TMEM150A: variants seen among roughly 807,000 people sequenced by gnomAD.
The protein encoded by TMEM150A is transmembrane protein 150A.
TMEM150A carries 18 observed loss-of-function variants against 29.8 expected under a neutral mutation model. The ratio of observed to expected loss-of-function variants is 0.60; its 90% CI spans 0.42 to 0.90. TMEM150A has a LOEUF of 0.90. Among genes scored for constraint, TMEM150A ranks in the 40% least tolerant of loss-of-function variants. The probability of loss-of-function intolerance (pLI) is 0.00; values close to 1 mark genes in which losing one functional copy is unlikely to be tolerated. For synonymous variants in TMEM150A, 127 were observed against 143.6 expected, an observed-to-expected ratio of 0.88 and a Z score of 0.83; for missense variants, 251 against 349.7, an observed-to-expected ratio of 0.72 and a Z score of 2.25.
rs1672958595 is a variant in TMEM150A at position 85,601,528 on chromosome 2, T to G, written c.66-46A>C. On this transcript the variant is annotated intron_variant, in intron 2 of 7. Transcript: ENST00000334462. This position sits in a 1 kb window ranked among gnomAD's most constrained non-coding sequence, Gnocchi z 4.0. ...CCCTGGCAGCCTTCCCGAGCCCCACTCAACCCACCCCATGACCCTTCTCTT... is the reference window on the plus strand; with the variant it reads ...CCCTGGCAGCCTTCCCGAGCCCCACGCAACCCACCCCATGACCCTTCTCTT... 3 of 1,597,678 alleles carry G rather than the reference T, an allele frequency of 1.9e-6. No homozygotes were observed.
At chr2:85,600,118 G>GA in intron 5 of TMEM150A, 100 bp from the exon 6 acceptor site, 1 of 1,490,854 alleles carries the variant, frequency 6.7e-7, no homozygotes. Flanking sequence ...TGCCCCTTCT[G>GA]AGGGGCAGAA....
chr2:85,599,061 CA>C lies in TMEM150A; in HGVS notation c.*14del, dbSNP rs974546543. ...GGGGTGCTGTGGAGGCCGGGCCAGCCACCCTCCCCAGACCTTAGATCATAGC... is the reference window on the plus strand; with the variant it reads ...GGGGTGCTGTGGAGGCCGGGCCAGCCCCCTCCCCAGACCTTAGATCATAGC... On this transcript the variant is annotated 3_prime_UTR_variant, in exon 8 of 8. Coordinates refer to ENST00000334462, the MANE Select transcript of TMEM150A (RefSeq NM_001031738.3). The surrounding 1 kb of genome is among the most constrained non-coding windows in gnomAD (Gnocchi z 6.0). The C allele has an allele frequency of 2.5e-6, 4 of 1,601,718 alleles. No homozygotes were observed. The highest frequency in any genetic ancestry group is 2.6e-6 in the Non-Finnish European group (3 of 1,170,896).
At position 85,602,692 on chromosome 2, in the gene TMEM150A, A is replaced by C. The variant is rs1369126905; in HGVS notation, c.-202T>G. The stretch of plus-strand genomic sequence containing the variant: ...GCTGCGGCCCTCGGAGCAGCCCTGA[A>C]AGGTTTAAAGGGCCGAGCGGCCCCG... On this transcript the variant is annotated 5_prime_UTR_variant, in exon 1 of 8. Coordinates refer to ENST00000334462, the MANE Select transcript of TMEM150A (RefSeq NM_001031738.3). The surrounding 1 kb of genome is among the most constrained non-coding windows in gnomAD (Gnocchi z 5.6). 1.3e-5 allele frequency: 2 copies of C among 152,130 alleles called. No individual in the cohort carries two copies. Among genetic ancestry groups the C allele is most frequent in the African/African-American group, 4.8e-5 (2 of 41,364 alleles). 9.4% of individuals were successfully genotyped at this position (152,130 alleles called of 1,614,324 possible). A position where few individuals can be genotyped will look rare whatever the true frequency, so the allele number is the denominator to read the frequency against.
Position 85,599,442 on chromosome 2 carries a change from A to T in TMEM150A, c.574+83T>A. ...GTCCTCTCCCCCACATGGCAGTGTT[A>T]GGCCTCCACCCCCCATCCTCTTGGG... On this transcript the variant is annotated intron_variant, in intron 7 of 7. Coordinates refer to ENST00000334462, the MANE Select transcript of TMEM150A (RefSeq NM_001031738.3). The surrounding 1 kb of genome is among the most constrained non-coding windows in gnomAD (Gnocchi z 6.0). 6.4e-7 allele frequency: 1 copy of T among 1,566,656 alleles called. No homozygotes were observed. The highest frequency in any genetic ancestry group is 1.4e-5 in the African/African-American group (1 of 73,576).
At chr2:85,600,525 CCA>C (rs1425483651) in intron 4 of TMEM150A, 113 bp from the exon 5 acceptor site, 1 of 750,648 alleles carries the variant, frequency 1.3e-6, no homozygotes, top group African/African-American at 1.7e-5. Flanking sequence ...AGCAGGCAGG[CCA>C]CTGATTTATG....
Position 85,602,081 on chromosome 2 carries a change from A to C in TMEM150A, c.-116-17T>G, listed in dbSNP as rs192304107. ...TGTCCTGGCCTGGTGGAGAGAGATC[A>C]AAGTCCAGGAGTGGGTAACTGGCCG... On this transcript the variant is annotated splice_polypyrimidine_tract_variant and intron_variant, in intron 1 of 7. Coordinates refer to ENST00000334462, the MANE Select transcript of TMEM150A (RefSeq NM_001031738.3). The surrounding 1 kb of genome is among the most constrained non-coding windows in gnomAD (Gnocchi z 5.6). The C allele has an allele frequency of 2.5e-4, 202 of 794,992 alleles. No homozygotes were observed. In the African/African-American group the frequency reaches 3.1e-3, roughly 12 times the overall value. The allele number at this position is 794,992 out of a possible 1,614,324, so 49.2% of individuals were successfully genotyped here. A position where few individuals can be genotyped will look rare whatever the true frequency, so the allele number is the denominator to read the frequency against.
chr2:85,601,642 TG>T lies in TMEM150A; in HGVS notation c.66-161del. 1.2e-6 allele frequency: 1 copy of T among 859,604 alleles called. No individual in the cohort carries two copies. The highest frequency in any genetic ancestry group is 1.8e-6 in the Non-Finnish European group (1 of 549,606). 53.2% of individuals were successfully genotyped at this position (859,604 alleles called of 1,614,324 possible). ...TAAGGCTTGATGCCACACCAGCACC[TG>T]CAGCATGCCCCCAGCTACAGGCCCT... On this transcript the variant is annotated intron_variant, in intron 2 of 7. Transcript: ENST00000334462. This position sits in a 1 kb window ranked among gnomAD's most constrained non-coding sequence, Gnocchi z 4.0.
In TMEM150A at chr2:85,600,342, C is replaced by T; in HGVS notation, c.268+3G>A. The T allele has an allele frequency of 1.9e-6, 3 of 1,613,886 alleles. No individual in the cohort carries two copies. The highest frequency in any genetic ancestry group is 1.1e-5 in the South Asian group (1 of 91,068). On this transcript the variant is annotated splice_donor_region_variant and intron_variant, in intron 5 of 7. Coordinates refer to ENST00000334462, the MANE Select transcript of TMEM150A (RefSeq NM_001031738.3). ...CAGGGTCAGGGCTAAGGGTACAACTCACCCATGAAAGCACCCATGTTGCCA... is the reference window on the plus strand; with the variant it reads ...CAGGGTCAGGGCTAAGGGTACAACTTACCCATGAAAGCACCCATGTTGCCA...
rs1340172282 is a variant in TMEM150A at position 85,601,329 on chromosome 2, G to A, written c.113+106C>T. 1 of 1,415,560 alleles carries A rather than the reference G, an allele frequency of 7.1e-7. No individual in the cohort carries two copies. The allele number at this position is 1,415,560 out of a possible 1,614,324, so 87.7% of individuals were successfully genotyped here. A position where few individuals can be genotyped will look rare whatever the true frequency, so the allele number is the denominator to read the frequency against. On this transcript the variant is annotated intron_variant, in intron 3 of 7. Transcript: ENST00000334462. The surrounding 1 kb of genome is among the most constrained non-coding windows in gnomAD (Gnocchi z 4.0). ...GCCTGGGGACCAATTTCAGAGAAGA[G>A]CAGTGAGGCTCAGGGTTGCAGTCTG...
At position 85,600,320 on chromosome 2, in the gene TMEM150A, G is replaced by A. The variant is rs746631490; in HGVS notation, c.268+25C>T. 18 of 1,613,086 alleles carry A rather than the reference G, an allele frequency of 1.1e-5. No individual in the cohort carries two copies. In the African/African-American group the frequency reaches 1.5e-4, roughly 13 times the overall value. On this transcript the variant is annotated intron_variant, in intron 5 of 7. Coordinates refer to ENST00000334462, the MANE Select transcript of TMEM150A (RefSeq NM_001031738.3). Reference sequence around the variant, plus strand: ...GGGGATCACTGGGCTGGGCACGCAGGGTCAGGGCTAAGGGTACAACTCACC... The same window carrying A: ...GGGGATCACTGGGCTGGGCACGCAGAGTCAGGGCTAAGGGTACAACTCACC...
Position 85,602,373 on chromosome 2 carries a change from C to T in TMEM150A, c.-117+234G>A. ...ACGCCAAGGAGAGGCTGGGTGCCGG[C>T]CCAGTGGAGCGGTGGCGAGTCGGCG... On this transcript the variant is annotated intron_variant, in intron 1 of 7. Transcript: ENST00000334462. This position sits in a 1 kb window ranked among gnomAD's most constrained non-coding sequence, Gnocchi z 5.6. 6.5e-6 allele frequency: 1 copy of T among 154,344 alleles called. No individual in the cohort carries two copies. Among genetic ancestry groups the T allele is most frequent in the Non-Finnish European group, 1.4e-5 (1 of 69,348 alleles). 9.6% of individuals were successfully genotyped at this position (154,344 alleles called of 1,614,324 possible).
chr2:85,599,351 A>T lies in TMEM150A; in HGVS notation c.575-34T>A. ...AGGCTAAGGAAATGTTCAGTAGGAC[A>T]TACGGAAACCTGGCAACACCCCTTC... On this transcript the variant is annotated intron_variant, in intron 7 of 7. Coordinates refer to ENST00000334462, the MANE Select transcript of TMEM150A (RefSeq NM_001031738.3). This position sits in a 1 kb window ranked among gnomAD's most constrained non-coding sequence, Gnocchi z 6.0. The T allele has an allele frequency of 6.2e-7, 1 of 1,610,328 alleles. No homozygotes were observed.
At position 85,601,330 on chromosome 2, in the gene TMEM150A, C is replaced by T; in HGVS notation, c.113+105G>A. ...CCTGGGGACCAATTTCAGAGAAGAG[C>T]AGTGAGGCTCAGGGTTGCAGTCTGG... On this transcript the variant is annotated intron_variant, in intron 3 of 7. Coordinates refer to ENST00000334462, the MANE Select transcript of TMEM150A (RefSeq NM_001031738.3). This position sits in a 1 kb window ranked among gnomAD's most constrained non-coding sequence, Gnocchi z 4.0. The T allele has an allele frequency of 7.1e-7, 1 of 1,416,292 alleles. No individual in the cohort carries two copies. Among genetic ancestry groups the T allele is most frequent in the South Asian group, 1.2e-5 (1 of 86,906 alleles). 87.7% of individuals were successfully genotyped at this position (1,416,292 alleles called of 1,614,324 possible).
Position 85,601,045 on chromosome 2 carries a change from G to T in TMEM150A, c.176C>A (p.Thr59Asn). ...CCTGATGAGGGGGACATCGTCCAGG[G>T]TGCAGCAGGTCTTGGGACCCCCTTG... is the stretch of plus-strand genomic sequence containing the variant. ...AEQGGPKTCCTLDDVPLISKC... is the reference protein window; with the variant it reads ...AEQGGPKTCCNLDDVPLISKC... Residue 59 changes from threonine to asparagine, a missense_variant, in exon 4 of 8, where the codon ACC becomes AAC. Thr to Asn is a moderately conservative substitution (Grantham distance 65, BLOSUM62 0). Transcript: ENST00000334462. The surrounding 1 kb of genome is among the most constrained non-coding windows in gnomAD (Gnocchi z 4.0). The T allele has an allele frequency of 6.2e-7, 1 of 1,612,780 alleles. No individual in the cohort carries two copies. Among genetic ancestry groups the T allele is most frequent in the South Asian group, 1.1e-5 (1 of 90,998 alleles).
rs1278875056 is a variant in TMEM150A, at chr2:85,599,415, T to C, written c.575-98A>G. 1.3e-6 allele frequency: 2 copies of C among 1,570,184 alleles called. No individual in the cohort carries two copies. The highest frequency in any genetic ancestry group is 1.7e-6 in the Non-Finnish European group (2 of 1,155,532). ...CTCACCTCTCCAAAGGGAGAGGTGT[T>C]AGTCCTCTCCCCCACATGGCAGTGT... is the stretch of plus-strand genomic sequence containing the variant. On this transcript the variant is annotated intron_variant, in intron 7 of 7. Coordinates refer to ENST00000334462, the MANE Select transcript of TMEM150A (RefSeq NM_001031738.3). This position sits in a 1 kb window ranked among gnomAD's most constrained non-coding sequence, Gnocchi z 6.0.
rs1261239802 is a variant in TMEM150A, at chr2:85,598,789, C to T, written c.*287G>A. 1 of 395,490 alleles carries T rather than the reference C, an allele frequency of 2.5e-6. No homozygotes were observed. The highest frequency in any genetic ancestry group is 4.8e-6 in the Non-Finnish European group (1 of 209,474). 24.5% of individuals were successfully genotyped at this position (395,490 alleles called of 1,614,324 possible). On this transcript the variant is annotated 3_prime_UTR_variant, in exon 8 of 8. Transcript: ENST00000334462. ...GGAAACCCCAGTGGTCTGGCTTTGG[C>T]ACTGGGAGTAGAAGGCACCTGAAGG... is the stretch of plus-strand genomic sequence containing the variant.
At position 85,601,980 on chromosome 2, in the gene TMEM150A, G is replaced by C. The variant is rs776225746; in HGVS notation, c.-32C>G. 3 of 1,610,492 alleles carry C rather than the reference G, an allele frequency of 1.9e-6. No homozygotes were observed. The highest frequency in any genetic ancestry group is 2.5e-6 in the Non-Finnish European group (3 of 1,177,128). ...GGGGAGCCAGGGTGGTGGTGGTGTT[G>C]GGGGGAGGACAAGAGGTAGATGGGG... On this transcript the variant is annotated 5_prime_UTR_variant, in exon 2 of 8. Coordinates refer to ENST00000334462, the MANE Select transcript of TMEM150A (RefSeq NM_001031738.3). The surrounding 1 kb of genome is among the most constrained non-coding windows in gnomAD (Gnocchi z 4.0).
Position 85,599,371 on chromosome 2 carries a change from C to G in TMEM150A, c.575-54G>C. 3 of 1,604,484 alleles carry G rather than the reference C, an allele frequency of 1.9e-6. No homozygotes were observed. The highest frequency in any genetic ancestry group is 2.6e-6 in the Non-Finnish European group (3 of 1,173,582). On this transcript the variant is annotated intron_variant, in intron 7 of 7. Transcript: ENST00000334462. The surrounding 1 kb of genome is among the most constrained non-coding windows in gnomAD (Gnocchi z 6.0). ...AGGACATACGGAAACCTGGCAACAC[C>G]CCTTCTGCAGTCTCAGGCCTCACCT...
rs539496234 is a variant in TMEM150A at position 85,599,535 on chromosome 2, G to C, written c.564C>G (p.Thr188=). The C allele has an allele frequency of 6.2e-7, 1 of 1,612,562 alleles. No homozygotes were observed. Among genetic ancestry groups the C allele is most frequent in the African/African-American group, 1.3e-5 (1 of 74,964 alleles). ...RSVLAVIAFI[T]LVLSGVFFVH... ...GTCCTGAAAGGATACTGAGGACCAG[G>C]GTGATAAAGGCGATGACAGCCAGCA... is the stretch of plus-strand genomic sequence containing the variant. Residue 188 remains threonine (T), a synonymous_variant, in exon 7 of 8, where the codon ACC becomes ACG. Transcript: ENST00000334462. The surrounding 1 kb of genome is among the most constrained non-coding windows in gnomAD (Gnocchi z 6.0).
Sources: allele counts gnomAD v4.1 joint callset, GRCh38; gene constraint gnomAD v4.1.1; non-coding constraint Gnocchi (gnomAD v3.1); transcripts MANE v1.5; gene names NCBI Gene and HGNC (gene_info 2026-07-23, HGNC 2026-07-21).